Variants in DOCK3 observed in about 807,000 individuals in gnomAD.
The protein encoded by DOCK3 is dedicator of cytokinesis protein 3.
A neutral mutation model predicts 265.6 loss-of-function variants in DOCK3; 60 were observed. That is an observed-to-expected ratio of 0.23 (90% confidence interval 0.18 to 0.28). DOCK3 has a LOEUF of 0.28. Among genes scored for constraint, DOCK3 ranks in the 10% least tolerant of loss-of-function variants. The pLI, the probability that DOCK3 is intolerant of heterozygous loss-of-function variation, is 1.00. For synonymous variants in DOCK3, 881 were observed against 938.0 expected (o/e 0.94, Z 1.11); for missense variants, 1,981 against 2,594.3 (o/e 0.76, Z 5.14).
At chr3:51,304,243 C>G (rs2082521451) in intron 27 of DOCK3, among the ~76,000 whole-genome samples, 1 of 152,090 alleles carries the variant, frequency 6.6e-6, no homozygotes, top group South Asian at 2.1e-4. Flanking sequence ...GTCCAGTTTC[C>G]CCAGCACCAG....
intron 12 of DOCK3, among the ~76,000 whole-genome samples, chr3:51,179,754 A>G (rs2087170264): frequency 6.6e-6 from 1 of 151,898 alleles, no homozygotes; most frequent in African/African-American, 2.4e-5. Flanking sequence ...CTCTACAAAA[A>G]ATAAAAAATT....
intron 2 of DOCK3, among the ~76,000 whole-genome samples, chr3:50,783,773 C>T (rs191364847): frequency 1.3e-5 from 2 of 151,732 alleles, no homozygotes; most frequent in Admixed American, 6.6e-5. Context: ...GAAGTCTTTC[C>T]CTAAGCCAGT....
At chr3:51,023,094 T>C (rs977035095) in intron 5 of DOCK3, among the ~76,000 whole-genome samples, 5 of 152,188 alleles carry the variant, frequency 3.3e-5, no homozygotes. Context: ...GATATCCAGA[T>C]CTCTAACAAC....
chr3:50,973,049 CTTTTTTTTTTT>C (rs71858027), intron 5 of DOCK3, among the ~76,000 whole-genome samples: 16 of 19,022 alleles, frequency 8.4e-4, no homozygotes, highest in African/African-American at 3.3e-3. Context: ...CAGTGTGTTT[CTTTTTTTTTTT>C]TTTTTTTTTT....
At chr3:50,826,247 G>A (rs1266536973) in intron 2 of DOCK3, among the ~76,000 whole-genome samples, 1 of 151,130 alleles carries the variant, frequency 6.6e-6, no homozygotes, top group Non-Finnish European at 1.5e-5. Context: ...TGCTACCTCT[G>A]TTATATCTTA....
At chr3:51,363,595 T>G (rs1022296860) in intron 49 of DOCK3, among the ~76,000 whole-genome samples, 5 of 152,242 alleles carry the variant, frequency 3.3e-5, no homozygotes, top group African/African-American at 1.2e-4. Flanking sequence ...CGTTAACTCG[T>G]CATTTACATT....
chr3:51,308,583 T>C (rs1031260256), intron 27 of DOCK3, among the ~76,000 whole-genome samples: 1 of 152,188 alleles, frequency 6.6e-6, no homozygotes, highest in Non-Finnish European at 1.5e-5. Context: ...TTTTTCTTAG[T>C]ACAGAACAAA....
intron 4 of DOCK3, among the ~76,000 whole-genome samples, chr3:50,901,404 C>A (rs896056091): frequency 4.6e-5 from 7 of 152,188 alleles, no homozygotes; most frequent in Admixed American, 6.5e-5. Flanking sequence ...TCTTAGCTTG[C>A]TTGGCTCCAT....
At chr3:50,703,545 G>T (rs1178444049) in intron 1 of DOCK3, among the ~76,000 whole-genome samples, 1 of 151,182 alleles carries the variant, frequency 6.6e-6, no homozygotes, top group Non-Finnish European at 1.5e-5. Context: ...TTTTTTCTTG[G>T]TTCAGTCTTG....
chr3:51,330,181 A>T lies in DOCK3; in HGVS notation c.3446A>T (p.Glu1149Val). 6.2e-7 allele frequency: 1 copy of T among 1,606,504 alleles called. No homozygotes were observed. The highest frequency in any genetic ancestry group is 8.5e-7 in the Non-Finnish European group (1 of 1,176,644). Residue 1149 changes from glutamate to valine, a missense_variant, in exon 33 of 53, where the codon GAA becomes GTA. Physicochemically the swap from Glu to Val is moderately radical, Grantham distance 121 (BLOSUM62 -2). Transcript: ENST00000266037. Reference protein sequence around the residue: ...LIDKLDSMVSEGKGDESYREL... With the variant: ...LIDKLDSMVSVGKGDESYREL... Reference sequence around the variant, plus strand: ...GACAAGCTGGACAGCATGGTGTCAGAAGGGAAAGGTGACGAGAGCTACAGG... The same window carrying T: ...GACAAGCTGGACAGCATGGTGTCAGTAGGGAAAGGTGACGAGAGCTACAGG...
intron 3 of DOCK3, among the ~76,000 whole-genome samples, chr3:50,870,781 G>A (rs1336325501): frequency 6.6e-6 from 1 of 150,904 alleles, no homozygotes; most frequent in African/African-American, 2.4e-5. Context: ...TGTATTTTTT[G>A]TTGTTTGTGA....
intron 14 of DOCK3, among the ~76,000 whole-genome samples, chr3:51,217,073 T>A (rs1216348511): frequency 6.6e-6 from 1 of 152,092 alleles, no homozygotes; most frequent in Non-Finnish European, 1.5e-5. Context: ...AATGGAAAAA[T>A]TAGAAGTATT....
At chr3:51,040,012 C>G (rs2080419872) in intron 5 of DOCK3, among the ~76,000 whole-genome samples, 1 of 149,012 alleles carries the variant, frequency 6.7e-6, no homozygotes, top group Non-Finnish European at 1.5e-5. Flanking sequence ...ACATTCATGT[C>G]TTTAAACCAT....
intron 12 of DOCK3, among the ~76,000 whole-genome samples, chr3:51,191,391 G>A (rs900850451): frequency 7.9e-5 from 12 of 152,062 alleles, no homozygotes; most frequent in African/African-American, 2.7e-4. Context: ...ATGAGGAATG[G>A]CTTCCCTTGG....
chr3:51,038,462 A>ACACTG (rs1361269887), intron 5 of DOCK3, among the ~76,000 whole-genome samples: 1 of 152,200 alleles, frequency 6.6e-6, no homozygotes, highest in Admixed American at 6.5e-5. Context: ...TGGTTTCAAT[A>ACACTG]CACTGTGGAG....
At chr3:50,870,844 A>G (rs1237094702) in intron 3 of DOCK3, among the ~76,000 whole-genome samples, 1 of 152,128 alleles carries the variant, frequency 6.6e-6, no homozygotes, top group Non-Finnish European at 1.5e-5. Context: ...TTAGCTGATA[A>G]CAGCTTAACA....
chr3:51,380,156 C>T lies in DOCK3; in HGVS notation c.5532C>T (p.His1844=), dbSNP rs781870958. The T allele has an allele frequency of 6.2e-7, 1 of 1,613,760 alleles. No homozygotes were observed. The highest frequency in any genetic ancestry group is 8.5e-7 in the Non-Finnish European group (1 of 1,179,766). The change falls in exon 52 of 53, where the codon CAC becomes CAT. Residue 1844 remains histidine (H), a synonymous_variant. Coordinates refer to ENST00000266037, the MANE Select transcript of DOCK3 (RefSeq NM_004947.5). ...ACTCCCTACACTTTGACGCCTTCCA[C>T]CACCCTCTGGGTGATACCCCCCCAG... The part of the protein sequence containing the change: ...GHYSLHFDAF[H]HPLGDTPPAL...
chr3:51,238,420 G>A (rs950030917), intron 21 of DOCK3, among the ~76,000 whole-genome samples: 1 of 151,922 alleles, frequency 6.6e-6, no homozygotes, highest in African/African-American at 2.4e-5. Flanking sequence ...GGGATTACAG[G>A]CGTGAGCCAC....
intron 9 of DOCK3, among the ~76,000 whole-genome samples, chr3:51,114,193 T>A (rs930174566): frequency 1.3e-5 from 2 of 152,154 alleles, no homozygotes; most frequent in Non-Finnish European, 2.9e-5. Flanking sequence ...TAGCAATCAA[T>A]GATTGTTGAC....
Sources: gnomAD v4.1 joint callset for allele counts (sites outside exome capture counted in the v4.1 genomes callset) on GRCh38, gnomAD v4.1.1 for gene constraint, MANE v1.5 for transcripts, NCBI Gene and HGNC (gene_info 2026-07-23, HGNC 2026-07-21) for gene names.